Variants in ADGRE5 observed in about 807,000 individuals in gnomAD.
ADGRE5 encodes adhesion G protein-coupled receptor E5.
ADGRE5 carries 72 observed loss-of-function variants against 100.3 expected under a neutral mutation model. That is an observed-to-expected ratio of 0.72 (90% confidence interval 0.59 to 0.87). The LOEUF is 0.87. Among genes scored for constraint, ADGRE5 ranks in the 40% least tolerant of loss-of-function variants. The pLI is 0.00. For synonymous variants in ADGRE5, 439 were observed against 447.8 expected, an observed-to-expected ratio of 0.98 and a Z score of 0.25; for missense variants, 959 against 1,094.7, an observed-to-expected ratio of 0.88 and a Z score of 1.75.
Position 14,388,748 on chromosome 19 carries a change from C to T in ADGRE5, c.120C>T (p.Thr40=), listed in dbSNP as rs1005234918. The T allele has an allele frequency of 9.3e-6, 15 of 1,613,940 alleles. No individual in the cohort carries two copies. The highest frequency in any genetic ancestry group is 1.6e-4 in the Middle Eastern group (1 of 6,062). The change falls in exon 3 of 20, where the codon ACC becomes ACT. Residue 40 remains threonine (T), a synonymous_variant. Coordinates refer to ENST00000242786, the MANE Select transcript of ADGRE5 (RefSeq NM_078481.4). ...AGAACTCCTCGTGTGTCAATGCCACCGCCTGTCGCTGCAATCCAGGGTTCA... is the reference window on the plus strand; with the variant it reads ...AGAACTCCTCGTGTGTCAATGCCACTGCCTGTCGCTGCAATCCAGGGTTCA... ...CPQNSSCVNA[T]ACRCNPGFSS...
Position 14,408,177 on chromosome 19 carries a change from CGAA to C in ADGRE5, c.*59_*61del. 1 of 1,581,598 alleles carries C rather than the reference CGAA, an allele frequency of 6.3e-7. No individual in the cohort carries two copies. The highest frequency in any genetic ancestry group is 1.7e-5 in the Admixed American group (1 of 59,024). ...CCTGTGGCCACAGCAGCTTTGTACACGAAGACCATCCATCCTCCCTTCGTCCAC... is the reference window on the plus strand; with the variant it reads ...CCTGTGGCCACAGCAGCTTTGTACACGACCATCCATCCTCCCTTCGTCCAC... On this transcript the variant is annotated 3_prime_UTR_variant, in exon 20 of 20. Coordinates refer to ENST00000242786, the MANE Select transcript of ADGRE5 (RefSeq NM_078481.4).
At chr19:14,405,989 G>A in intron 14 of ADGRE5, 50 bp downstream of exon 14, 1 of 1,525,604 alleles carries the variant, frequency 6.6e-7, no homozygotes, top group South Asian at 1.2e-5. Flanking sequence ...GGGAGGCCTG[G>A]GAGGGGTTAG....
intron 3 of ADGRE5, among the ~76,000 whole-genome samples, chr19:14,389,343 A>AGGGGAACGGGAGGGGAAGGGGGAAG (rs1975505516): frequency 8.2e-5 from 1 of 12,140 alleles, no homozygotes; most frequent in Admixed American, 1.1e-3. Flanking sequence ...GGGGAAGGGG[A>AGGGGAACGGGAGGGGAAGGGGGAAG]GGGGAAGGGG....
chr19:14,385,664 C>G (rs988012097), intron 1 of ADGRE5, among the ~76,000 whole-genome samples: 1 of 152,182 alleles, frequency 6.6e-6, no homozygotes, highest in African/African-American at 2.4e-5. Context: ...CCAGGACAGA[C>G]CGCCAGGGCC....
At position 14,403,864 on chromosome 19, in the gene ADGRE5, CTTTTTTTTTTTT is replaced by C. The variant is rs58411522; in HGVS notation, c.1450-501_1450-490del. The stretch of plus-strand genomic sequence containing the variant: ...TTTATGTCATAATCTGCCTCTCCCA[CTTTTTTTTTTTT>C]TTTTTTTTTTTTTTTTTGAGATGGA... On this transcript the variant is annotated intron_variant, in intron 12 of 19. Transcript: ENST00000242786. Among the ~76,000 whole-genome samples, 17 of 74,300 alleles carry C rather than the reference CTTTTTTTTTTTT, an allele frequency of 2.3e-4. No individual in the cohort carries two copies. In the South Asian group the frequency reaches 2.5e-3, roughly 11 times the overall value. 48.7% of individuals were successfully genotyped at this position (74,300 alleles called of 152,430 possible). A position where few individuals can be genotyped will look rare whatever the true frequency, so the allele number is the denominator to read the frequency against.
intron 13 of ADGRE5, chr19:14,404,866 G>GTT (rs779348170): frequency 0.015 from 3,625 of 242,428 alleles, 2 homozygotes; most frequent in South Asian, 0.044. Flanking sequence ...CCACTTGCCC[G>GTT]TTTTTTTTTT....
chr19:14,384,699 T>C (rs1975272580), intron 1 of ADGRE5, among the ~76,000 whole-genome samples: 2 of 152,028 alleles, frequency 1.3e-5, no homozygotes, highest in South Asian at 4.2e-4. Flanking sequence ...TTTATCTCTC[T>C]GTCTCTCTGT....
rs765645087 is a variant in ADGRE5, at chr19:14,402,634, G to A, written c.1221G>A (p.Met407Ile). The A allele has an allele frequency of 5.6e-6, 9 of 1,613,990 alleles. No individual in the cohort carries two copies. Among genetic ancestry groups the A allele is most frequent in the Non-Finnish European group, 7.6e-6 (9 of 1,180,010 alleles). ...AVAGILSIQN[M>I]TTLLANASLN... is the part of the protein sequence containing the mutation. ...CGGGCATCCTCTCCATCCAGAACAT[G>A]ACGACATTGCTGGCCAATGCCTCCT... The change falls in exon 12 of 20, where the codon ATG becomes ATA. Residue 407 changes from methionine (M) to isoleucine (I), a missense_variant. Physicochemically the swap from Met to Ile is conservative, Grantham distance 10. Coordinates refer to ENST00000242786, the MANE Select transcript of ADGRE5 (RefSeq NM_078481.4).
At chr19:14,388,868 T>A (rs182204247) in intron 3 of ADGRE5, 50 bp downstream of exon 3, 117 of 1,544,984 alleles carry the variant, frequency 7.6e-5, no homozygotes, top group Admixed American at 4.0e-4. Flanking sequence ...TATGAGGCAT[T>A]GCCCAGCCAG....
In ADGRE5 at chr19:14,397,114, C is replaced by T; in HGVS notation, c.516C>T (p.His172=). Residue 172 remains histidine (H), a synonymous_variant, in exon 6 of 20, where the codon CAC becomes CAT. Coordinates refer to ENST00000242786, the MANE Select transcript of ADGRE5 (RefSeq NM_078481.4). ...GCACCTCCGGACAAAACCCGTGCCA[C>T]AGCTCCACCCACTGCCTCAACAACG... ...NECTSGQNPC[H]SSTHCLNNVG... is the part of the protein sequence containing the mutation. 1 of 1,614,146 alleles carries T rather than the reference C, an allele frequency of 6.2e-7. No homozygotes were observed. The highest frequency in any genetic ancestry group is 8.5e-7 in the Non-Finnish European group (1 of 1,180,038).
chr19:14,382,684 G>A (rs1472419000), intron 1 of ADGRE5, among the ~76,000 whole-genome samples: 7 of 151,240 alleles, frequency 4.6e-5, no homozygotes, highest in Admixed American at 2.0e-4. Flanking sequence ...GCAACACATC[G>A]AGACGTTGTC....
In ADGRE5 at chr19:14,406,307, C is replaced by T. The variant is rs761805731; in HGVS notation, c.1822-24C>T. 8 of 1,521,836 alleles carry T rather than the reference C, an allele frequency of 5.3e-6. No individual in the cohort carries two copies. The East Asian group carries it at 2.0e-4, about 37-fold the overall frequency. The allele number at this position is 1,521,836 out of a possible 1,614,324, so 94.3% of individuals were successfully genotyped here. A position where few individuals can be genotyped will look rare whatever the true frequency, so the allele number is the denominator to read the frequency against. ...GCCCCTCCCCGCGCTGACGTCGCTC[C>T]GCCCCTCCGTCCCCGCCCCGCAGGT... On this transcript the variant is annotated intron_variant, in intron 14 of 19. Coordinates refer to ENST00000242786, the MANE Select transcript of ADGRE5 (RefSeq NM_078481.4). This position sits in a 1 kb window ranked among gnomAD's most constrained non-coding sequence, Gnocchi z 6.0.
intron 12 of ADGRE5, 154 bp from the exon 13 acceptor site, chr19:14,404,229 C>T (rs1976127502): frequency 5.9e-6 from 4 of 682,372 alleles, no homozygotes; most frequent in Non-Finnish European, 9.9e-6. Flanking sequence ...TTGTGTGTGC[C>T]CTGTTCACTG....
At chr19:14,382,928 G>A (rs909438813) in intron 1 of ADGRE5, among the ~76,000 whole-genome samples, 2 of 152,076 alleles carry the variant, frequency 1.3e-5, no homozygotes, top group African/African-American at 4.8e-5. Flanking sequence ...TAGAGACGGG[G>A]TTTCACCATG....
intron 4 of ADGRE5, among the ~76,000 whole-genome samples, chr19:14,395,387 A>G (rs1263176560): frequency 6.6e-6 from 1 of 151,900 alleles, no homozygotes; most frequent in East Asian, 1.9e-4. Flanking sequence ...AAGAGACAGC[A>G]TCACTGGGGA....
intron 9 of ADGRE5, among the ~76,000 whole-genome samples, chr19:14,400,511 G>T (rs1196082524): frequency 6.6e-6 from 1 of 152,132 alleles, no homozygotes; most frequent in East Asian, 1.9e-4. Flanking sequence ...AAGATTGCAG[G>T]CCGGGCATGG....
At chr19:14,397,587 G>A in intron 6 of ADGRE5, 71 bp from the exon 7 acceptor site, 2 of 1,607,784 alleles carry the variant, frequency 1.2e-6, no homozygotes, top group South Asian at 1.1e-5. Flanking sequence ...GGAATGAGCT[G>A]GGGGCACAGA....
Position 14,401,477 on chromosome 19 carries a change from T to G in ADGRE5, c.989T>G (p.Leu330Arg), listed in dbSNP as rs1976007894. Residue 330 changes from leucine (L) to arginine (R), a missense_variant, in exon 10 of 20, where the codon CTG becomes CGG. Leu to Arg is a moderately radical substitution (Grantham distance 102). Coordinates refer to ENST00000242786, the MANE Select transcript of ADGRE5 (RefSeq NM_078481.4). The surrounding 1 kb of genome is among the most constrained non-coding windows in gnomAD (Gnocchi z 4.1). ...PPVRHLIATQ[L>R]LSNLEDIMRI... ...GTCCGGCACCTCATAGCCACCCAGC[T>G]GCTCTCAAACCTTGAAGATATCATG... 6.2e-7 allele frequency: 1 copy of G among 1,614,084 alleles called. No homozygotes were observed. Among genetic ancestry groups the G allele is most frequent in the Non-Finnish European group, 8.5e-7 (1 of 1,180,016 alleles).
At position 14,404,577 on chromosome 19, in the gene ADGRE5, G is replaced by T; in HGVS notation, c.1629+15G>T. On this transcript the variant is annotated intron_variant, in intron 13 of 19. Transcript: ENST00000242786. Reference sequence around the variant, plus strand: ...ATGACGTGGAGGTAAGTAGCTGGAGGCATCCTCAAGTGCCCACAGGTAATG... The same window carrying T: ...ATGACGTGGAGGTAAGTAGCTGGAGTCATCCTCAAGTGCCCACAGGTAATG... 6.2e-7 allele frequency: 1 copy of T among 1,609,180 alleles called. No individual in the cohort carries two copies. The highest frequency in any genetic ancestry group is 1.1e-5 in the South Asian group (1 of 90,596).
Sources: gnomAD v4.1 joint callset for allele counts (sites outside exome capture counted in the v4.1 genomes callset) on GRCh38, gnomAD v4.1.1 for gene constraint, Gnocchi (gnomAD v3.1) non-coding constraint, MANE v1.5 for transcripts, NCBI Gene and HGNC (gene_info 2026-07-23, HGNC 2026-07-21) for gene names.